Variants in GLDC observed in about 807,000 individuals in gnomAD.
GLDC encodes glycine dehydrogenase (decarboxylating), mitochondrial.
GLDC carries 104 observed loss-of-function variants against 121.3 expected under a neutral mutation model. The observed-to-expected ratio is 0.86, with a 90% CI of 0.73 to 1.01. The LOEUF is 1.01. Among genes scored for constraint, GLDC ranks in the 50% least tolerant of loss-of-function variants. The probability of loss-of-function intolerance (pLI) is 0.00; values close to 1 mark genes in which losing one functional copy is unlikely to be tolerated. For missense variants in GLDC, 1,429 were observed against 1,306.6 expected, an observed-to-expected ratio of 1.09 and a Z score of -1.44; for synonymous variants, 546 against 480.6, an observed-to-expected ratio of 1.14 and a Z score of -1.78.
intron 2 of GLDC, among the ~76,000 whole-genome samples, chr9:6,629,471 C>T (rs1819316516): frequency 6.6e-6 from 1 of 151,784 alleles, no homozygotes; most frequent in African/African-American, 2.4e-5. Context: ...TGCCTCGGCC[C>T]CCAAGTAGCT....
At chr9:6,537,011 T>C (rs552096925) in intron 22 of GLDC, among the ~76,000 whole-genome samples, 2 of 151,750 alleles carry the variant, frequency 1.3e-5, no homozygotes, top group East Asian at 1.9e-4. Flanking sequence ...TTTCATTTCT[T>C]ATAATTTTTC....
At chr9:6,534,503 T>C (rs1817074613) in intron 24 of GLDC, among the ~76,000 whole-genome samples, 1 of 152,016 alleles carries the variant, frequency 6.6e-6, no homozygotes, top group Non-Finnish European at 1.5e-5. Flanking sequence ...CTCTGTTCCC[T>C]ATGGGTTCCC....
intron 2 of GLDC, among the ~76,000 whole-genome samples, chr9:6,638,349 G>A (rs769637278): frequency 6.6e-6 from 1 of 151,904 alleles, no homozygotes; most frequent in Non-Finnish European, 1.5e-5. Flanking sequence ...CAAGTAGCTG[G>A]GATTACAGGC....
intron 3 of GLDC, among the ~76,000 whole-genome samples, chr9:6,614,216 T>A (rs944404423): frequency 1.3e-5 from 2 of 151,916 alleles, no homozygotes; most frequent in Non-Finnish European, 2.9e-5. Context: ...TACTAAGTAT[T>A]AAGAAGCACT....
chr9:6,636,133 G>C (rs1439461073), intron 2 of GLDC, among the ~76,000 whole-genome samples: 1 of 151,886 alleles, frequency 6.6e-6, no homozygotes, highest in African/African-American at 2.4e-5. Context: ...TGAAACCCCC[G>C]TCTCTACTAA....
intron 2 of GLDC, among the ~76,000 whole-genome samples, 191 bp from the exon 3 acceptor site, chr9:6,620,510 AC>A (rs1819070424): frequency 6.6e-6 from 1 of 150,432 alleles, no homozygotes; most frequent in Non-Finnish European, 1.5e-5. Flanking sequence ...CCCAAACAAC[AC>A]TCAATTTCTC....
chr9:6,615,192 A>G (rs185994045), intron 3 of GLDC, among the ~76,000 whole-genome samples: 7 of 152,352 alleles, frequency 4.6e-5, no homozygotes, highest in Non-Finnish European at 1.0e-4. Flanking sequence ...CAAGTGAATA[A>G]TAGCAACTGT....
At chr9:6,609,046 G>T (rs1008356944) in intron 4 of GLDC, among the ~76,000 whole-genome samples, 4 of 152,120 alleles carry the variant, frequency 2.6e-5, no homozygotes, top group Admixed American at 6.5e-5. Flanking sequence ...CAAAAAAGAG[G>T]CTTACATGGG....
At chr9:6,612,855 C>T (rs1818887684) in intron 3 of GLDC, among the ~76,000 whole-genome samples, 1 of 151,734 alleles carries the variant, frequency 6.6e-6, no homozygotes, top group Non-Finnish European at 1.5e-5. Context: ...GAGCGAGACT[C>T]CATCTCAAAA....
rs746477003 is a variant in GLDC, at chr9:6,587,254, G to A, written c.1737C>T (p.Ile579=). ...CTTGATCCAGAGGCACAAAGGGGTG[G>A]ATGTTTGCAAATTCTTTCCATGTGA... ...APITWKEFAN[I]HPFVPLDQAQ... The change falls in exon 15 of 25, where the codon ATC becomes ATT. Residue 579 remains isoleucine (I), a synonymous_variant. Coordinates refer to ENST00000321612, the MANE Select transcript of GLDC (RefSeq NM_000170.3). 8 of 1,613,744 alleles carry A rather than the reference G, an allele frequency of 5.0e-6. No homozygotes were observed. In the East Asian group the frequency reaches 1.6e-4, roughly 31 times the overall value.
chr9:6,603,455 T>TA (rs1296435913), intron 7 of GLDC, among the ~76,000 whole-genome samples: 2 of 149,638 alleles, frequency 1.3e-5, no homozygotes, highest in Non-Finnish European at 3.0e-5. Flanking sequence ...ACAAAAAATT[T>TA]AAAAAATTAG....
chr9:6,568,414 G>A (rs1381981651), intron 15 of GLDC, among the ~76,000 whole-genome samples: 1 of 152,174 alleles, frequency 6.6e-6, no homozygotes, highest in Non-Finnish European at 1.5e-5. Flanking sequence ...TATATATGGA[G>A]GACAGGCTAG....
intron 2 of GLDC, among the ~76,000 whole-genome samples, chr9:6,640,072 C>A (rs1222637071): frequency 1.4e-4 from 21 of 152,194 alleles, no homozygotes; most frequent in Non-Finnish European, 1.2e-4. Flanking sequence ...CCCTTGTAAA[C>A]AACCTCCAAT....
Position 6,605,198 on chromosome 9 carries a change from TG to T in GLDC, c.793del (p.Gln265SerfsTer33), listed in dbSNP as rs386833586. The T allele has an allele frequency of 7.4e-6, 12 of 1,613,660 alleles. No homozygotes were observed. The highest frequency in any genetic ancestry group is 1.0e-5 in the Non-Finnish European group (12 of 1,179,788). Reference protein sequence around the residue: ...SGKDVSGVLFQYPDTEGKVED... With the variant: ...SGKDVSGVLFXYPDTEGKVED... The stretch of plus-strand genomic sequence containing the variant: ...CACCTTCCCCTCCGTGTCTGGGTAC[TG>T]GAACAACACTCCACTGACATCTTTT... On this transcript the variant is annotated frameshift_variant, in exon 6 of 25. Transcript: ENST00000321612. LOFTEE classifies it high-confidence loss of function.
At chr9:6,583,189 T>A (rs1160385689) in intron 15 of GLDC, among the ~76,000 whole-genome samples, 2 of 152,074 alleles carry the variant, frequency 1.3e-5, no homozygotes, top group African/African-American at 4.8e-5. Flanking sequence ...AAAATTACCC[T>A]ATATCCAAAA....
At chr9:6,641,966 A>G (rs1039477017) in intron 2 of GLDC, among the ~76,000 whole-genome samples, 1 of 152,150 alleles carries the variant, frequency 6.6e-6, no homozygotes. Context: ...TGCTACTACC[A>G]GAGCTTACAT....
intron 2 of GLDC, among the ~76,000 whole-genome samples, chr9:6,627,253 G>A (rs1047649402): frequency 3.7e-5 from 5 of 133,646 alleles, no homozygotes; most frequent in South Asian, 2.4e-4. Context: ...CCGAGATCAC[G>A]CCACTGCACT....
intron 15 of GLDC, among the ~76,000 whole-genome samples, chr9:6,581,689 A>T (rs925113367): frequency 6.6e-6 from 1 of 152,246 alleles, no homozygotes; most frequent in South Asian, 2.1e-4. Context: ...GGAATGAAAA[A>T]GTTAATGTAA....
intron 9 of GLDC, chr9:6,593,241 C>G (rs1312153374): frequency 5.0e-6 from 2 of 401,558 alleles, no homozygotes; most frequent in Non-Finnish European, 9.0e-6. Context: ...TATTATTTCT[C>G]AAGAAATGGG....
Sources: allele counts gnomAD v4.1 joint callset (sites outside exome capture counted in the v4.1 genomes callset), GRCh38; gene constraint gnomAD v4.1.1; transcripts MANE v1.5; gene names NCBI Gene and HGNC (gene_info 2026-07-23, HGNC 2026-07-21).